The following ANTXR2 variants were observed in gnomAD, a reference collection of about 807,000 sequenced individuals.
ANTXR2 encodes ANTXR cell adhesion molecule 2.
Under a neutral mutation model 73.7 loss-of-function variants are expected in ANTXR2, and 44 were observed. The observed-to-expected ratio is 0.60, with a 90% CI of 0.47 to 0.77. The LOEUF is 0.77. Among genes scored for constraint, ANTXR2 ranks in the 30% least tolerant of loss-of-function variants. The pLI, the probability that ANTXR2 is intolerant of heterozygous loss-of-function variation, is 0.00. For missense variants in ANTXR2, 604 were observed against 592.5 expected (o/e 1.02, Z -0.20); for synonymous variants, 217 against 205.9 (o/e 1.05, Z -0.46).
intron 12 of ANTXR2, among the ~76,000 whole-genome samples, chr4:79,993,359 T>C (rs899786981): frequency 2.0e-5 from 3 of 149,690 alleles, no homozygotes; most frequent in Non-Finnish European, 4.5e-5. Context: ...ATTGAGAGAA[T>C]AAAGAAGGAG....
chr4:80,048,745 T>G (rs1733634345), intron 7 of ANTXR2, among the ~76,000 whole-genome samples: 1 of 151,654 alleles, frequency 6.6e-6, no homozygotes, highest in Non-Finnish European at 1.5e-5. Flanking sequence ...TTAGACAATA[T>G]AAAATATAGT....
At chr4:79,943,743 AAAAT>A (rs1728405868) in intron 16 of ANTXR2, among the ~76,000 whole-genome samples, 1 of 149,976 alleles carries the variant, frequency 6.7e-6, no homozygotes, top group Non-Finnish European at 1.5e-5. Flanking sequence ...AATAAAAAAA[AAAAT>A]AAATAAAAAA....
chr4:80,062,004 A>G (rs540485938), intron 3 of ANTXR2, among the ~76,000 whole-genome samples: 41 of 152,246 alleles, frequency 2.7e-4, no homozygotes, highest in African/African-American at 9.6e-4. Flanking sequence ...TGAGTGAAAG[A>G]TTTTTTCTAA....
intron 12 of ANTXR2, among the ~76,000 whole-genome samples, chr4:79,999,849 G>A (rs147291258): frequency 3.9e-4 from 60 of 152,022 alleles, no homozygotes; most frequent in Middle Eastern, 3.4e-3. Flanking sequence ...CTTAAGCCGA[G>A]GAGTTCTAGG....
chr4:80,069,300 C>A, intron 3 of ANTXR2, 136 bp downstream of exon 3: 1 of 716,362 alleles, frequency 1.4e-6, no homozygotes, highest in Non-Finnish European at 2.4e-6. Context: ...CCTCCTTTCC[C>A]TTCTATTAGA....
rs1172372490 is a variant in ANTXR2 at position 79,903,556 on chromosome 4, AAAC to A, written c.*3870_*3872del. The A allele has an allele frequency of 3.3e-5, 5 of 152,196 alleles. No individual in the cohort carries two copies. Among genetic ancestry groups the A allele is most frequent in the Non-Finnish European group, 5.9e-5 (4 of 68,036 alleles). The allele number at this position is 152,196 out of a possible 1,614,324, so 9.4% of individuals were successfully genotyped here. A position where few individuals can be genotyped will look rare whatever the true frequency, so the allele number is the denominator to read the frequency against. On this transcript the variant is annotated 3_prime_UTR_variant, in exon 17 of 17. Transcript: ENST00000403729. ...AACCTGCTACATTATGGATTTTCAA[AAAC>A]AACAACAAAAAAGTCTTTCTTTTAT...
At position 79,977,680 on chromosome 4, in the gene ANTXR2, C is replaced by T. The variant is rs1729698214; in HGVS notation, c.1369G>A (p.Ala457Thr). 1 of 1,579,588 alleles carries T rather than the reference C, an allele frequency of 6.3e-7. No individual in the cohort carries two copies. The highest frequency in any genetic ancestry group is 8.6e-7 in the Non-Finnish European group (1 of 1,162,048). The stretch of plus-strand genomic sequence containing the variant: ...CGGTCATACTGCCGCCTCAACAAAG[C>T]CCAGAGAGCATCAAGACGACCCTAA... ...PIKGRLDALW[A>T]LLRRQYDRVS... Residue 457 changes from alanine to threonine, a missense_variant, in exon 16 of 17, where the codon GCT (alanine) becomes ACT (threonine). Transcript: ENST00000403729.
intron 2 of ANTXR2, among the ~76,000 whole-genome samples, chr4:80,070,735 G>T (rs1307007332): frequency 6.6e-6 from 1 of 152,118 alleles, no homozygotes; most frequent in Non-Finnish European, 1.5e-5. Context: ...AAAATGTTTT[G>T]ATCATCCAAG....
At chr4:79,933,786 G>A (rs1728151788) in intron 16 of ANTXR2, among the ~76,000 whole-genome samples, 1 of 142,540 alleles carries the variant, frequency 7.0e-6, no homozygotes, top group Admixed American at 7.7e-5. Context: ...CCAGGCTGGG[G>A]TGCAGTGGCA....
At chr4:80,008,803 T>C (rs574921928) in intron 11 of ANTXR2, among the ~76,000 whole-genome samples, 187 bp from the exon 12 acceptor site, 1 of 152,326 alleles carries the variant, frequency 6.6e-6, no homozygotes, top group South Asian at 2.1e-4. Context: ...TATATTATGT[T>C]TTATGTTATA....
rs569234573 is a variant in ANTXR2 at position 80,041,242 on chromosome 4, G to T, written c.637-5210C>A. Among the ~76,000 whole-genome samples the T allele has an allele frequency of 3.3e-5, 5 of 152,068 alleles. No homozygotes were observed. The South Asian group carries it at 1.0e-3, about 32-fold the overall frequency. ...AGTCCAAACCCCATTCTTCTAGCCA[G>T]CACCTTCCACCACCCTCCAGGTTTG... On this transcript the variant is annotated intron_variant, in intron 7 of 16. Transcript: ENST00000403729.
intron 7 of ANTXR2, among the ~76,000 whole-genome samples, chr4:80,050,282 A>G (rs1733714641): frequency 6.6e-6 from 1 of 151,740 alleles, no homozygotes; most frequent in Non-Finnish European, 1.5e-5. Context: ...ACCAGCGCAC[A>G]TCCAAATGCT....
At chr4:80,042,032 TATAAG>T (rs1733291600) in intron 7 of ANTXR2, among the ~76,000 whole-genome samples, 1 of 152,148 alleles carries the variant, frequency 6.6e-6, no homozygotes, top group Admixed American at 6.6e-5. Context: ...ATTAGTAACT[TATAAG>T]ATAGCCAAAT....
chr4:80,067,803 C>T (rs1176817361), intron 3 of ANTXR2, among the ~76,000 whole-genome samples: 1 of 152,128 alleles, frequency 6.6e-6, no homozygotes, highest in Non-Finnish European at 1.5e-5. Context: ...ACAATGAGAA[C>T]ACATGAACAC....
At chr4:79,918,288 T>C (rs1460952189) in intron 16 of ANTXR2, among the ~76,000 whole-genome samples, 1 of 151,924 alleles carries the variant, frequency 6.6e-6, no homozygotes, top group African/African-American at 2.4e-5. Flanking sequence ...GCTAAAAAAC[T>C]ACTTGAAAAA....
chr4:80,007,246 G>C (rs562453530), intron 12 of ANTXR2, among the ~76,000 whole-genome samples: 2 of 152,186 alleles, frequency 1.3e-5, no homozygotes, highest in Non-Finnish European at 2.9e-5. Flanking sequence ...CAGCAAACAT[G>C]AGAGCGGCGG....
At chr4:80,038,799 T>C (rs1258780313) in intron 7 of ANTXR2, among the ~76,000 whole-genome samples, 1 of 152,038 alleles carries the variant, frequency 6.6e-6, no homozygotes, top group Admixed American at 6.6e-5. Flanking sequence ...TCTAATGTTA[T>C]CTAATTGAAT....
chr4:80,033,436 G>T (rs775336477), intron 9 of ANTXR2, 36 bp downstream of exon 9: 2 of 1,479,932 alleles, frequency 1.4e-6, no homozygotes, highest in Non-Finnish European at 1.8e-6. Context: ...GTGCTTTGCA[G>T]AGATTAAGAC....
intron 16 of ANTXR2, among the ~76,000 whole-genome samples, chr4:79,975,921 T>A (rs1469039807): frequency 6.7e-6 from 1 of 149,528 alleles, no homozygotes; most frequent in African/African-American, 2.5e-5. Flanking sequence ...ACACTTTTTT[T>A]TTTTTTTTTG....
Sources: gnomAD v4.1 joint callset for allele counts (sites outside exome capture counted in the v4.1 genomes callset) on GRCh38, gnomAD v4.1.1 for gene constraint, MANE v1.5 for transcripts, NCBI Gene and HGNC (gene_info 2026-07-23, HGNC 2026-07-21) for gene names.